OR52K1: variants seen among roughly 807,000 people sequenced by gnomAD.
The protein encoded by OR52K1 is olfactory receptor 52K1.
Under a neutral mutation model 8.7 loss-of-function variants are expected in OR52K1, and 10 were observed. The ratio of observed to expected loss-of-function variants is 1.15; its 90% CI spans 0.71 to 1.95. The LOEUF (loss-of-function observed/expected upper bound fraction) is 1.95. Ranked by LOEUF, OR52K1 falls within the 30% of genes most tolerant of loss-of-function variation. The probability of loss-of-function intolerance (pLI) is 0.00; values close to 1 mark genes in which losing one functional copy is unlikely to be tolerated. For synonymous variants in OR52K1, 203 were observed against 148.5 expected (o/e 1.37, Z -2.67); for missense variants, 431 against 397.2 (o/e 1.08, Z -0.72).
At position 4,485,239 on chromosome 11, in the gene OR52K1, T is replaced by C. The variant is rs569256877; in HGVS notation, c.-329+2063T>C. On this transcript the variant is annotated intron_variant, in intron 1 of 1. Transcript: ENST00000641528. The stretch of plus-strand genomic sequence containing the variant: ...AGTTTCCCTTGCGAATATCTCAGTG[T>C]GCTCCAACTCTTCTCCCATCCATTC... Among the ~76,000 whole-genome samples the C allele has an allele frequency of 3.3e-5, 5 of 152,354 alleles. No individual in the cohort carries two copies. In the South Asian group the frequency reaches 1.0e-3, roughly 32 times the overall value.
rs1248883647 is a variant in OR52K1 at position 4,491,060 on chromosome 11, A to G, written c.*1215A>G. ...AATCACCTGAGGACACATTTCTCAGAATGTATCCCCATCATTAAGCAATGC... is the reference window on the plus strand; with the variant it reads ...AATCACCTGAGGACACATTTCTCAGGATGTATCCCCATCATTAAGCAATGC... On this transcript the variant is annotated 3_prime_UTR_variant, in exon 2 of 2. Coordinates refer to ENST00000641528, the MANE Select transcript of OR52K1 (RefSeq NM_001005171.3). The G allele has an allele frequency of 6.6e-6, 1 of 152,196 alleles. No homozygotes were observed. 9.4% of individuals were successfully genotyped at this position (152,196 alleles called of 1,614,324 possible).
chr11:4,488,231 T>G (rs73425794), intron 1 of OR52K1, among the ~76,000 whole-genome samples: 3,286 of 152,340 alleles, frequency 0.022, 118 homozygotes, highest in African/African-American at 0.073. Flanking sequence ...TCTACAATGA[T>G]GGAAATATTC....
In OR52K1 at chr11:4,489,340, G is replaced by T; in HGVS notation, c.440G>T (p.Gly147Val). The T allele has an allele frequency of 6.2e-7, 1 of 1,614,178 alleles. No individual in the cohort carries two copies. The highest frequency in any genetic ancestry group is 1.1e-5 in the South Asian group (1 of 91,082). The change falls in exon 2 of 2, where the codon GGC becomes GTC. Residue 147 changes from glycine (G) to valine (V), a missense_variant. Physicochemically the swap from Gly to Val is moderately radical, Grantham distance 109. Transcript: ENST00000641528. ...ACTGGGTCCCTCATCACCAAGATTGGCATGGCTGCTGTGGCCCGGGCTGTG... is the reference window on the plus strand; with the variant it reads ...ACTGGGTCCCTCATCACCAAGATTGTCATGGCTGCTGTGGCCCGGGCTGTG... The part of the protein sequence containing the change: ...VLTGSLITKI[G>V]MAAVARAVTL...
intron 1 of OR52K1, among the ~76,000 whole-genome samples, chr11:4,483,458 A>G (rs886256254): frequency 6.6e-6 from 1 of 152,188 alleles, no homozygotes; most frequent in African/African-American, 2.4e-5. Context: ...ACTACAGAGG[A>G]GGTCTTAGTT....
rs1017611875 is a variant in OR52K1 at position 4,490,579 on chromosome 11, T to A, written c.*734T>A. On this transcript the variant is annotated 3_prime_UTR_variant, in exon 2 of 2. Transcript: ENST00000641528. ...ATGAACGGATAGAAGAGCTGAATAC[T>A]ATCTTTGAACTATGAACCATGAAAA... 2.0e-5 allele frequency: 3 copies of A among 152,260 alleles called. No homozygotes were observed. Among genetic ancestry groups the A allele is most frequent in the Admixed American group, 6.5e-5 (1 of 15,286 alleles). The allele number at this position is 152,260 out of a possible 1,614,324, so 9.4% of individuals were successfully genotyped here. A position where few individuals can be genotyped will look rare whatever the true frequency, so the allele number is the denominator to read the frequency against.
chr11:4,493,427 A>T lies in OR52K1; in HGVS notation c.*3582A>T, dbSNP rs1293429234. On this transcript the variant is annotated 3_prime_UTR_variant, in exon 2 of 2. Transcript: ENST00000641528. ...AGGCACTGGCATTACCGCTAGACCA[A>T]GGAGCCCTCTAGTGGCCCTGTCCGG... 2 of 152,498 alleles carry T rather than the reference A, an allele frequency of 1.3e-5. No homozygotes were observed. The highest frequency in any genetic ancestry group is 2.9e-5 in the Non-Finnish European group (2 of 68,270). The allele number at this position is 152,498 out of a possible 1,614,324, so 9.4% of individuals were successfully genotyped here.
At position 4,483,153 on chromosome 11, in the gene OR52K1, G is replaced by T. The variant is rs1024084837; in HGVS notation, c.-352G>T. On this transcript the variant is annotated 5_prime_UTR_variant, in exon 1 of 2. Coordinates refer to ENST00000641528, the MANE Select transcript of OR52K1 (RefSeq NM_001005171.3). ...AGTCAAGAGGAAGAAAACGAGGCCT[G>T]AACTAGAAAGATGGCAGGGAAAGGT... The T allele has an allele frequency of 5.0e-6, 2 of 398,574 alleles. No individual in the cohort carries two copies. Among genetic ancestry groups the T allele is most frequent in the Admixed American group, 8.8e-5 (2 of 22,722 alleles). 24.7% of individuals were successfully genotyped at this position (398,574 alleles called of 1,614,324 possible). A position where few individuals can be genotyped will look rare whatever the true frequency, so the allele number is the denominator to read the frequency against.
Position 4,488,867 on chromosome 11 carries a change from C to A in OR52K1, c.-34C>A, listed in dbSNP as rs767350464. 2.0e-6 allele frequency: 3 copies of A among 1,474,786 alleles called. No homozygotes were observed. The South Asian group carries it at 3.6e-5, about 18-fold the overall frequency. 91.4% of individuals were successfully genotyped at this position (1,474,786 alleles called of 1,614,324 possible). A position where few individuals can be genotyped will look rare whatever the true frequency, so the allele number is the denominator to read the frequency against. On this transcript the variant is annotated 5_prime_UTR_variant, in exon 2 of 2. Transcript: ENST00000641528. ...AGGTATATATAGAAGGTGAAGAAGCCCTGTAAAAATTGACAAGGAGATTTC... is the reference window on the plus strand; with the variant it reads ...AGGTATATATAGAAGGTGAAGAAGCACTGTAAAAATTGACAAGGAGATTTC...
At position 4,489,154 on chromosome 11, in the gene OR52K1, C is replaced by T. The variant is rs1436593419; in HGVS notation, c.254C>T (p.Ala85Val). 6 of 1,614,260 alleles carry T rather than the reference C, an allele frequency of 3.7e-6. No individual in the cohort carries two copies. The highest frequency in any genetic ancestry group is 4.2e-6 in the Non-Finnish European group (5 of 1,180,046). ...TCTACAACGCTGCCCAAAATGCTTG[C>T]CATATTCTGGTTCAGGGATCAGGAG... ...LSSTTLPKML[A>V]IFWFRDQEIN... The change falls in exon 2 of 2, where the codon GCC (alanine) becomes GTC (valine). Residue 85 changes from alanine (A) to valine (V), a missense_variant. By Grantham distance (64) the Ala-to-Val change is moderately conservative (BLOSUM62 0). Coordinates refer to ENST00000641528, the MANE Select transcript of OR52K1 (RefSeq NM_001005171.3).
rs758990662 is a variant in OR52K1, at chr11:4,489,693, C to T, written c.793C>T (p.Arg265Cys). 8.1e-6 allele frequency: 13 copies of T among 1,614,072 alleles called. No individual in the cohort carries two copies. The highest frequency in any genetic ancestry group is 3.3e-5 in the Admixed American group (2 of 59,998). ...AGTAGTCATCTCTTCAGTCATGCAC[C>T]GTGTAGCCCGCCATGCTGCCCCTCG... Reference protein sequence around the residue: ...TPVVISSVMHRVARHAAPRVH... With the variant: ...TPVVISSVMHCVARHAAPRVH... Residue 265 changes from arginine (R) to cysteine (C), a missense_variant, in exon 2 of 2, where the codon CGT (arginine) becomes TGT (cysteine). Coordinates refer to ENST00000641528, the MANE Select transcript of OR52K1 (RefSeq NM_001005171.3).
Position 4,491,322 on chromosome 11 carries a change from T to C in OR52K1, c.*1477T>C, listed in dbSNP as rs1367968353. ...GGTTGTAGAGAAAAGGAAACACTTA[T>C]ATACTGCTGGTAGGAGTGTAAATTA... On this transcript the variant is annotated 3_prime_UTR_variant, in exon 2 of 2. Coordinates refer to ENST00000641528, the MANE Select transcript of OR52K1 (RefSeq NM_001005171.3). The C allele has an allele frequency of 1.3e-5, 2 of 152,242 alleles. No individual in the cohort carries two copies. The highest frequency in any genetic ancestry group is 4.1e-4 in the South Asian group (2 of 4,832). 9.4% of individuals were successfully genotyped at this position (152,242 alleles called of 1,614,324 possible).
In OR52K1 at chr11:4,489,337, T is replaced by C. The variant is rs777471669; in HGVS notation, c.437T>C (p.Ile146Thr). ...TVLTGSLITK[I>T]GMAAVARAVT... The stretch of plus-strand genomic sequence containing the variant: ...CTGACTGGGTCCCTCATCACCAAGA[T>C]TGGCATGGCTGCTGTGGCCCGGGCT... The change falls in exon 2 of 2, where the codon ATT (isoleucine) becomes ACT (threonine). Residue 146 changes from isoleucine (I) to threonine (T), a missense_variant. By Grantham distance (89) the Ile-to-Thr change is moderately conservative (BLOSUM62 -1). Transcript: ENST00000641528. 2.5e-6 allele frequency: 4 copies of C among 1,614,176 alleles called. No individual in the cohort carries two copies. The highest frequency in any genetic ancestry group is 2.2e-5 in the South Asian group (2 of 91,082).
chr11:4,485,158 T>C (rs542559232), intron 1 of OR52K1, among the ~76,000 whole-genome samples: 2 of 152,326 alleles, frequency 1.3e-5, no homozygotes, highest in South Asian at 4.1e-4. Flanking sequence ...CTATATTCTA[T>C]ATACTAAGAT....
chr11:4,486,112 T>C (rs968157896), intron 1 of OR52K1, among the ~76,000 whole-genome samples: 2 of 152,084 alleles, frequency 1.3e-5, no homozygotes, highest in Non-Finnish European at 2.9e-5. Context: ...CAGGTGTAGG[T>C]TGATAGCACC....
chr11:4,488,568 T>C lies in OR52K1; in HGVS notation c.-328-5T>C. 1 of 228,092 alleles carries C rather than the reference T, an allele frequency of 4.4e-6. No homozygotes were observed. Among genetic ancestry groups the C allele is most frequent in the Non-Finnish European group, 8.6e-6 (1 of 116,690 alleles). 14.1% of individuals were successfully genotyped at this position (228,092 alleles called of 1,614,324 possible). A position where few individuals can be genotyped will look rare whatever the true frequency, so the allele number is the denominator to read the frequency against. On this transcript the variant is annotated splice_region_variant and splice_polypyrimidine_tract_variant and intron_variant, in intron 1 of 1. Coordinates refer to ENST00000641528, the MANE Select transcript of OR52K1 (RefSeq NM_001005171.3). ...TGATTTAAACATATTTTCACTTTTT[T>C]CAAGGTATTCATGACATCACCAAGA...
chr11:4,488,803 G>T lies in OR52K1; in HGVS notation c.-98G>T. 1 of 821,074 alleles carries T rather than the reference G, an allele frequency of 1.2e-6. No individual in the cohort carries two copies. The highest frequency in any genetic ancestry group is 2.0e-6 in the Non-Finnish European group (1 of 500,856). The allele number at this position is 821,074 out of a possible 1,614,324, so 50.9% of individuals were successfully genotyped here. A position where few individuals can be genotyped will look rare whatever the true frequency, so the allele number is the denominator to read the frequency against. On this transcript the variant is annotated 5_prime_UTR_variant, in exon 2 of 2. Coordinates refer to ENST00000641528, the MANE Select transcript of OR52K1 (RefSeq NM_001005171.3). ...AAACAAGAGGTAATCTTTGCAGGTG[G>T]GATAGCACAGGTTGAACTCTAATCA...
rs764932783 is a variant in OR52K1, at chr11:4,488,550, A to T, written c.-328-23A>T. 2.0e-4 allele frequency: 42 copies of T among 211,450 alleles called. 1 individual carries two copies. The highest frequency in any genetic ancestry group is 3.2e-4 in the Non-Finnish European group (34 of 105,804). The allele number at this position is 211,450 out of a possible 1,614,324, so 13.1% of individuals were successfully genotyped here. ...TGTGCTAAAGAAATGAATTGATTTA[A>T]ACATATTTTCACTTTTTTCAAGGTA... On this transcript the variant is annotated intron_variant, in intron 1 of 1. Coordinates refer to ENST00000641528, the MANE Select transcript of OR52K1 (RefSeq NM_001005171.3).
chr11:4,488,597 C>G lies in OR52K1; in HGVS notation c.-304C>G. On this transcript the variant is annotated 5_prime_UTR_variant, in exon 2 of 2. Coordinates refer to ENST00000641528, the MANE Select transcript of OR52K1 (RefSeq NM_001005171.3). ...GGTATTCATGACATCACCAAGAACA[C>G]AGAAAACACTACATATACTCCATTC... 3.5e-6 allele frequency: 1 copy of G among 285,614 alleles called. No individual in the cohort carries two copies. The highest frequency in any genetic ancestry group is 6.5e-6 in the Non-Finnish European group (1 of 154,040). 17.7% of individuals were successfully genotyped at this position (285,614 alleles called of 1,614,324 possible).
rs1416615302 is a variant in OR52K1 at position 4,492,472 on chromosome 11, T to C, written c.*2627T>C. 6.6e-6 allele frequency: 1 copy of C among 152,200 alleles called. No individual in the cohort carries two copies. The highest frequency in any genetic ancestry group is 2.4e-5 in the African/African-American group (1 of 41,456). The allele number at this position is 152,200 out of a possible 1,614,324, so 9.4% of individuals were successfully genotyped here. A position where few individuals can be genotyped will look rare whatever the true frequency, so the allele number is the denominator to read the frequency against. On this transcript the variant is annotated 3_prime_UTR_variant, in exon 2 of 2. Transcript: ENST00000641528. ...ATGAACAAGGATGATTTTGTTGTTT[T>C]TGTAGTGAACCACTGAAATTTGGGA...
Sources: allele counts gnomAD v4.1 joint callset (sites outside exome capture counted in the v4.1 genomes callset), GRCh38; gene constraint gnomAD v4.1.1; transcripts MANE v1.5; gene names NCBI Gene and HGNC (gene_info 2026-07-23, HGNC 2026-07-21).